Variants in DMD observed in about 807,000 individuals in gnomAD.
DMD encodes the protein dystrophin, also known as mutant dystrophin.
DMD carries 63 observed loss-of-function variants against 330.1 expected under a neutral mutation model. The observed-to-expected ratio is 0.19, with a 90% CI of 0.16 to 0.24. The LOEUF is 0.24. Ranked by LOEUF, DMD falls within the 10% of genes least tolerant of loss-of-function variation. The probability of loss-of-function intolerance (pLI) is 1.00; values close to 1 mark genes in which losing one functional copy is unlikely to be tolerated. For synonymous variants in DMD, 1,223 were observed against 959.8 expected (o/e 1.27, Z -5.07); for missense variants, 3,344 against 2,684.1 (o/e 1.25, Z -5.43).
chrX:33,079,116 C>T (rs761817571), intron 1 of DMD, among the ~76,000 whole-genome samples: 9 of 111,514 alleles, frequency 8.1e-5, no homozygotes, highest in African/African-American at 2.6e-4. Context: ...CCGCAACCTC[C>T]GCCTCCTAGG....
At chrX:31,551,275 A>C (rs1233296631) in intron 55 of DMD, among the ~76,000 whole-genome samples, 1 of 110,498 alleles carries the variant, frequency 9.0e-6, no homozygotes, top group Non-Finnish European at 1.9e-5. Context: ...GATCTTTGGA[A>C]TATATCTCAA....
intron 52 of DMD, among the ~76,000 whole-genome samples, chrX:31,713,428 C>T (rs925286085): frequency 3.6e-5 from 4 of 111,487 alleles, no homozygotes; most frequent in African/African-American, 1.3e-4. Flanking sequence ...TTTGCTTGTA[C>T]CTCTAATTTA....
chrX:32,393,537 G>A (rs995905905), intron 30 of DMD, among the ~76,000 whole-genome samples: 1 of 111,708 alleles, frequency 9.0e-6, no homozygotes, highest in Non-Finnish European at 1.9e-5. Flanking sequence ...GAGGAAATGC[G>A]ACTGTAAATC....
intron 9 of DMD, among the ~76,000 whole-genome samples, chrX:32,686,638 T>A (rs1282801530): frequency 9.2e-6 from 1 of 108,539 alleles, no homozygotes; most frequent in Non-Finnish European, 1.9e-5. Context: ...ATCATGGTTG[T>A]CATGTATCTT....
intron 1 of DMD, among the ~76,000 whole-genome samples, chrX:33,054,323 C>CTA (rs954220028): frequency 2.7e-5 from 3 of 111,133 alleles, no homozygotes; most frequent in Non-Finnish European, 3.8e-5. Context: ...ACCTATATGC[C>CTA]TATATATATA....
intron 11 of DMD, among the ~76,000 whole-genome samples, chrX:32,621,607 G>A (rs982008071): frequency 9.1e-6 from 1 of 109,868 alleles, no homozygotes; most frequent in East Asian, 2.9e-4. Flanking sequence ...TTATAGGCGC[G>A]AGTCCCCGAA....
chrX:33,215,853 G>C (rs751380855), upstream of DMD, among the ~76,000 whole-genome samples: 1 of 111,560 alleles, frequency 9.0e-6, no homozygotes, highest in Non-Finnish European at 1.9e-5. Context: ...CTTTGTTTCT[G>C]GGTTCACTAT....
intron 54 of DMD, 26 bp downstream of exon 54, chrX:31,657,964 A>G: frequency 8.4e-7 from 1 of 1,190,348 alleles, no homozygotes; most frequent in Non-Finnish European, 1.1e-6. Context: ...AGCCAACAGT[A>G]GTTTTAGAAA....
At chrX:31,330,568 C>T in intron 61 of DMD, among the ~76,000 whole-genome samples, 1 of 112,062 alleles carries the variant, frequency 8.9e-6, no homozygotes, top group South Asian at 3.7e-4. Context: ...AAAGGGGCAA[C>T]ATCTGATTGT....
intron 75 of DMD, 49 bp from the exon 76 acceptor site, chrX:31,146,463 A>G: frequency 8.6e-7 from 1 of 1,161,391 alleles, no homozygotes; most frequent in South Asian, 1.9e-5. Flanking sequence ...TAAACATACA[A>G]ATGTATAAAT....
At chrX:32,119,040 C>T (rs2096623523) in intron 44 of DMD, among the ~76,000 whole-genome samples, 2 of 111,472 alleles carry the variant, frequency 1.8e-5, no homozygotes, top group Non-Finnish European at 3.8e-5. Context: ...CTGACCTGTA[C>T]TGGTCTGTGG....
intron 9 of DMD, among the ~76,000 whole-genome samples, chrX:32,673,011 C>A (rs1443590231): frequency 9.0e-6 from 1 of 111,110 alleles, no homozygotes; most frequent in African/African-American, 3.3e-5. Flanking sequence ...TGTTACTGCT[C>A]CAATGTGGAT....
At chrX:31,717,518 C>T (rs184611614) in intron 52 of DMD, among the ~76,000 whole-genome samples, 1 of 112,070 alleles carries the variant, frequency 8.9e-6, no homozygotes, top group Non-Finnish European at 1.9e-5. Context: ...ATTTTACATC[C>T]CAAAAGGACT....
At chrX:32,870,885 G>A (rs992100427) in intron 2 of DMD, among the ~76,000 whole-genome samples, 14 of 96,503 alleles carry the variant, frequency 1.5e-4, no homozygotes, top group South Asian at 1.1e-3. Flanking sequence ...TTGATTTCCT[G>A]ACAAAAACAT....
chrX:31,162,701 A>C (rs1025443859), intron 74 of DMD, among the ~76,000 whole-genome samples: 1 of 111,536 alleles, frequency 9.0e-6, no homozygotes, highest in Non-Finnish European at 1.9e-5. Context: ...AAAAGCTTTA[A>C]GGCAACCTTG....
intron 44 of DMD, among the ~76,000 whole-genome samples, chrX:32,017,447 G>T (rs960063339): frequency 2.7e-5 from 3 of 111,774 alleles, no homozygotes; most frequent in African/African-American, 9.8e-5. Context: ...TGGGAAAAAA[G>T]TTTAGAGGCA....
intron 29 of DMD, among the ~76,000 whole-genome samples, chrX:32,426,260 T>A (rs1020467564): frequency 9.0e-6 from 1 of 111,532 alleles, no homozygotes; most frequent in Non-Finnish European, 1.9e-5. Flanking sequence ...ACATCCAGAA[T>A]CTCTAAGTAA....
At chrX:32,943,660 A>G (rs1292076536) in intron 2 of DMD, among the ~76,000 whole-genome samples, 1 of 111,611 alleles carries the variant, frequency 9.0e-6, no homozygotes, top group African/African-American at 3.3e-5. Flanking sequence ...AGATGTAAGC[A>G]TTTCTTCGAT....
intron 19 of DMD, among the ~76,000 whole-genome samples, chrX:32,495,435 T>A (rs5972585): frequency 1.8e-5 from 2 of 111,307 alleles, no homozygotes; most frequent in African/African-American, 6.6e-5. Context: ...ATCTCTCTTG[T>A]ATCAAATTTG....
Sources: allele counts gnomAD v4.1 joint callset (sites outside exome capture counted in the v4.1 genomes callset), GRCh38; gene constraint gnomAD v4.1.1; transcripts MANE v1.5; gene names NCBI Gene and HGNC (gene_info 2026-07-23, HGNC 2026-07-21).